The following SUSD6 variants were observed in gnomAD, a reference collection of about 807,000 sequenced individuals.
SUSD6 encodes sushi domain containing 6.
SUSD6 carries 16 observed loss-of-function variants against 28.4 expected under a neutral mutation model. The observed-to-expected ratio is 0.56, with a 90% confidence interval of 0.38 to 0.86. The LOEUF (loss-of-function observed/expected upper bound fraction) is 0.86. SUSD6 is among the 40% of genes least tolerant of loss of function. The probability of loss-of-function intolerance (pLI) is 0.00; values close to 1 mark genes in which losing one functional copy is unlikely to be tolerated. For missense variants in SUSD6, 341 were observed against 384.2 expected (o/e 0.89, Z 0.94); for synonymous variants, 147 against 159.6 (o/e 0.92, Z 0.59).
At chr14:69,639,313 C>CAAAAAAAAAAAAAAAAAAAAAAAAAAAAA (rs57837741) in intron 1 of SUSD6, among the ~76,000 whole-genome samples, 1 of 54,604 alleles carries the variant, frequency 1.8e-5, no homozygotes, top group Non-Finnish European at 3.0e-5. Flanking sequence ...GACTCCGTCT[C>CAAAAAAAAAAAAAAAAAAAAAAAAAAAAA]AAAAAAAAAA....
chr14:69,685,874 A>T (rs1594717483), intron 2 of SUSD6, among the ~76,000 whole-genome samples: 1 of 152,196 alleles, frequency 6.6e-6, no homozygotes, highest in East Asian at 1.9e-4. Context: ...TGTGTAATGA[A>T]TTTGGACTTT....
intron 2 of SUSD6, among the ~76,000 whole-genome samples, chr14:69,681,860 G>A (rs889089806): frequency 6.6e-6 from 1 of 152,198 alleles, no homozygotes; most frequent in Non-Finnish European, 1.5e-5. Flanking sequence ...GGCTAAAGAA[G>A]TGGGGTCTGA....
chr14:69,621,633 T>G (rs530388495), intron 1 of SUSD6, among the ~76,000 whole-genome samples: 51 of 152,380 alleles, frequency 3.3e-4, no homozygotes, highest in African/African-American at 1.2e-3. Context: ...CATTCATTCC[T>G]GAAAGTCAAC....
At chr14:69,710,547 T>C (rs1172493291) in intron 5 of SUSD6, among the ~76,000 whole-genome samples, 1 of 152,196 alleles carries the variant, frequency 6.6e-6, no homozygotes, top group Non-Finnish European at 1.5e-5. Flanking sequence ...GCCCACAGCA[T>C]ATGAAGAAGC....
intron 1 of SUSD6, among the ~76,000 whole-genome samples, chr14:69,631,246 A>T (rs1401932787): frequency 1.3e-5 from 2 of 152,242 alleles, no homozygotes; most frequent in African/African-American, 4.8e-5. Flanking sequence ...AAGGGGGTGC[A>T]TAGCTGCAAG....
intron 1 of SUSD6, among the ~76,000 whole-genome samples, chr14:69,641,364 C>T (rs1885350052): frequency 6.6e-6 from 1 of 151,352 alleles, no homozygotes. Flanking sequence ...TGCTACCTCT[C>T]CCCAACCATT....
chr14:69,691,199 C>T (rs557575786), intron 2 of SUSD6, among the ~76,000 whole-genome samples: 7 of 152,188 alleles, frequency 4.6e-5, no homozygotes, highest in South Asian at 2.1e-4. Flanking sequence ...AAAAATTAGC[C>T]GGACTTGGTG....
Position 69,657,990 on chromosome 14 carries a change from C to T in SUSD6, c.-80-523C>T, listed in dbSNP as rs567329204. Among the ~76,000 whole-genome samples, 128 of 152,334 alleles carry T rather than the reference C, an allele frequency of 8.4e-4. 2 individuals are homozygous for T. In the South Asian group the frequency reaches 0.018, roughly 22 times the overall value. ...CTTGATTAATGAGATTCACGGCTGT[C>T]GAGTCAGGTCCTCCGGCTCATCAGC... is the stretch of plus-strand genomic sequence containing the variant. On this transcript the variant is annotated intron_variant, in intron 1 of 5. Transcript: ENST00000342745.
intron 5 of SUSD6, among the ~76,000 whole-genome samples, chr14:69,709,467 T>G (rs1400922983): frequency 2.6e-5 from 4 of 152,198 alleles, no homozygotes; most frequent in African/African-American, 9.6e-5. Context: ...GCATAGGTTA[T>G]TTTACAGAAA....
chr14:69,696,030 A>T (rs1199239157), intron 2 of SUSD6, among the ~76,000 whole-genome samples: 1 of 152,196 alleles, frequency 6.6e-6, no homozygotes, highest in Non-Finnish European at 1.5e-5. Flanking sequence ...TTTCTTTTAT[A>T]TGCTGTACGA....
At chr14:69,703,266 G>C in intron 2 of SUSD6, 129 bp from the exon 3 acceptor site, 1 of 761,594 alleles carries the variant, frequency 1.3e-6, no homozygotes, top group Non-Finnish European at 2.1e-6. Context: ...TTGGTTAACA[G>C]TTCCTCCAAG....
At position 69,708,962 on chromosome 14, in the gene SUSD6, G is replaced by T. The variant is rs1184030647; in HGVS notation, c.744G>T (p.Glu248Asp). Residue 248 changes from glutamate to aspartate, a missense_variant, in exon 5 of 6, where the codon GAG becomes GAT. Coordinates refer to ENST00000342745, the MANE Select transcript of SUSD6 (RefSeq NM_014734.4). ...LCEAWGSRASETVMVHQATTS... is the reference protein window; with the variant it reads ...LCEAWGSRASDTVMVHQATTS... ...AAGCCTGGGGCTCTCGGGCCTCAGA[G>T]ACTGTGATGGTGCATCAGGCAACCA... is the stretch of plus-strand genomic sequence containing the variant. 6.8e-6 allele frequency: 11 copies of T among 1,614,056 alleles called. No homozygotes were observed. Among genetic ancestry groups the T allele is most frequent in the Non-Finnish European group, 9.3e-6 (11 of 1,180,050 alleles).
At chr14:69,701,279 G>A (rs1886309641) in intron 2 of SUSD6, among the ~76,000 whole-genome samples, 1 of 151,778 alleles carries the variant, frequency 6.6e-6, no homozygotes, top group African/African-American at 2.4e-5. Flanking sequence ...CTGTGGAGAT[G>A]TGGGTTTTAT....
chr14:69,676,568 T>C (rs1885913459), intron 2 of SUSD6, among the ~76,000 whole-genome samples: 1 of 152,130 alleles, frequency 6.6e-6, no homozygotes, highest in African/African-American at 2.4e-5. Context: ...TTTAAAAAAA[T>C]TGTTTTTTTA....
chr14:69,618,952 A>G (rs1223696714), intron 1 of SUSD6, among the ~76,000 whole-genome samples: 1 of 152,228 alleles, frequency 6.6e-6, no homozygotes, highest in Non-Finnish European at 1.5e-5. Context: ...TAGAGTTGGA[A>G]AAATGGGCCT....
At chr14:69,659,922 G>A (rs1885638198) in intron 2 of SUSD6, among the ~76,000 whole-genome samples, 1 of 152,184 alleles carries the variant, frequency 6.6e-6, no homozygotes, top group Admixed American at 6.5e-5. Flanking sequence ...TGTCCTTAAA[G>A]GACATGTTTG....
chr14:69,670,248 A>T (rs1885809602), intron 2 of SUSD6, among the ~76,000 whole-genome samples: 1 of 152,236 alleles, frequency 6.6e-6, no homozygotes, highest in Non-Finnish European at 1.5e-5. Context: ...GGGCAGCAGC[A>T]GCCAGGAACT....
intron 1 of SUSD6, among the ~76,000 whole-genome samples, chr14:69,639,956 G>GTTTTTCTTTTTTT (rs1555343340): frequency 1.2e-5 from 1 of 81,640 alleles, no homozygotes; most frequent in South Asian, 5.9e-4. Context: ...CACCTACACT[G>GTTTTTCTTTTTTT]TTTTTTTTTT....
intron 1 of SUSD6, among the ~76,000 whole-genome samples, chr14:69,620,568 C>T (rs1429582742): frequency 2.0e-5 from 3 of 152,152 alleles, no homozygotes; most frequent in Admixed American, 6.5e-5. Context: ...TTTTTGTGTA[C>T]GGTAGACTTT....
Sources: gnomAD v4.1 joint callset for allele counts (sites outside exome capture counted in the v4.1 genomes callset) on GRCh38, gnomAD v4.1.1 for gene constraint, MANE v1.5 for transcripts, NCBI Gene and HGNC (gene_info 2026-07-23, HGNC 2026-07-21) for gene names.